The following KANSL3 variants were observed in gnomAD, a reference collection of about 807,000 sequenced individuals.
The protein encoded by KANSL3 is NSL complex protein NSL3.
A neutral mutation model predicts 89.2 loss-of-function variants in KANSL3; 16 were observed. The ratio of observed to expected loss-of-function variants is 0.18; its 90% CI spans 0.12 to 0.27. The LOEUF is 0.27. Ranked by LOEUF, KANSL3 falls within the 10% of genes least tolerant of loss-of-function variation. The pLI is 1.00. For synonymous variants in KANSL3, 385 were observed against 419.7 expected (o/e 0.92, Z 1.01); for missense variants, 879 against 1,110.6 (o/e 0.79, Z 2.96).
chr2:96,612,380 A>T, intron 8 of KANSL3, 27 bp from the exon 9 acceptor site: 1 of 1,609,272 alleles, frequency 6.2e-7, no homozygotes, highest in Non-Finnish European at 8.5e-7. Flanking sequence ...AGAAGACAGT[A>T]AGACAGGAGG....
chr2:96,598,261 A>T, intron 20 of KANSL3: 2 of 295,942 alleles, frequency 6.8e-6, no homozygotes, highest in Non-Finnish European at 1.0e-5. Flanking sequence ...GAGAGGGGAA[A>T]AGCACTTCCC....
intron 3 of KANSL3, chr2:96,628,196 G>A (rs936998473): frequency 1.6e-6 from 2 of 1,270,432 alleles, no homozygotes; most frequent in Non-Finnish European, 2.0e-6. Context: ...GAGGAAAGAT[G>A]TGTACATCCA....
Position 96,604,246 on chromosome 2 carries a change from A to G in KANSL3, c.2149+4T>C, listed in dbSNP as rs769760771. The G allele has an allele frequency of 1.9e-6, 3 of 1,599,902 alleles. No individual in the cohort carries two copies. Among genetic ancestry groups the G allele is most frequent in the South Asian group, 1.1e-5 (1 of 89,552 alleles). On this transcript the variant is annotated splice_donor_region_variant and intron_variant, in intron 17 of 20. Coordinates refer to ENST00000431828, the MANE Select transcript of KANSL3 (RefSeq NM_001115016.3). ...GAAGGGGAGAATGCTGGGCCACAAG[A>G]TACCTGGGAGGGAGCTGCCAGGAGA... is the stretch of plus-strand genomic sequence containing the variant.
intron 3 of KANSL3, among the ~76,000 whole-genome samples, chr2:96,622,025 A>T (rs1352644974): frequency 6.6e-6 from 1 of 152,110 alleles, no homozygotes; most frequent in African/African-American, 2.4e-5. Context: ...GAGGCAAAAG[A>T]ATTGCTTGAA....
the KANSL3 span, among the ~76,000 whole-genome samples, chr2:96,582,808 G>A: frequency 6.6e-6 from 1 of 152,286 alleles, no homozygotes; most frequent in East Asian, 1.9e-4. Context: ...ATGCTAATAG[G>A]CAGGTAAGTT....
At chr2:96,636,517 T>C (rs1486458409) in intron 2 of KANSL3, among the ~76,000 whole-genome samples, 2 of 152,230 alleles carry the variant, frequency 1.3e-5, no homozygotes, top group African/African-American at 4.8e-5. Flanking sequence ...TGCATTACTA[T>C]AAAAAGGCTA....
At chr2:96,636,320 A>ATCAC (rs2074239250) in intron 2 of KANSL3, among the ~76,000 whole-genome samples, 1 of 152,268 alleles carries the variant, frequency 6.6e-6, no homozygotes, top group African/African-American at 2.4e-5. Flanking sequence ...ATGTAACTGT[A>ATCAC]TCACTCATCA....
chr2:96,634,648 TTA>T (rs1315333957), intron 2 of KANSL3, among the ~76,000 whole-genome samples: 1 of 152,214 alleles, frequency 6.6e-6, no homozygotes, highest in African/African-American at 2.4e-5. Context: ...CTGCCAAACT[TTA>T]TGTTAACTTT....
downstream of KANSL3, among the ~76,000 whole-genome samples, chr2:96,588,597 C>CT (rs1235751861): frequency 6.0e-3 from 896 of 148,198 alleles, 6 homozygotes; most frequent in Middle Eastern, 0.01. Context: ...CTTTTCTTTT[C>CT]TTTTTTTTTT....
intron 20 of KANSL3, among the ~76,000 whole-genome samples, chr2:96,598,549 G>A (rs2066774015): frequency 6.6e-6 from 1 of 152,172 alleles, no homozygotes; most frequent in African/African-American, 2.4e-5. Flanking sequence ...AAAAGCCACT[G>A]CATCTAGAAT....
At position 96,602,614 on chromosome 2, in the gene KANSL3, G is replaced by C. The variant is rs148636494; in HGVS notation, c.2259+139C>G. On this transcript the variant is annotated intron_variant, in intron 18 of 20. Transcript: ENST00000431828. ...CAGTAAATGATAGACCTTAACTTTT[G>C]TAAGTTCCCTGCTATGTAGCTAGAA... 1.6e-5 allele frequency: 11 copies of C among 699,398 alleles called. No individual in the cohort carries two copies. The African/African-American group carries it at 1.8e-4, about 11-fold the overall frequency. The allele number at this position is 699,398 out of a possible 1,614,324, so 43.3% of individuals were successfully genotyped here.
At chr2:96,619,297 C>A in intron 5 of KANSL3, 62 bp downstream of exon 5, 1 of 1,489,608 alleles carries the variant, frequency 6.7e-7, no homozygotes, top group Non-Finnish European at 9.1e-7. Flanking sequence ...AACCCCACAT[C>A]CTGAACCCAC....
At chr2:96,600,712 C>T in intron 20 of KANSL3, 2 of 985,364 alleles carry the variant, frequency 2.0e-6, no homozygotes, top group Middle Eastern at 1.0e-3. Flanking sequence ...CCTCAGATTA[C>T]CATTTTAAGA....
At chr2:96,624,386 G>C (rs2071898450) in intron 3 of KANSL3, among the ~76,000 whole-genome samples, 1 of 152,126 alleles carries the variant, frequency 6.6e-6, no homozygotes, top group Non-Finnish European at 1.5e-5. Flanking sequence ...ACACCTCTTT[G>C]TTTTCAAAGG....
chr2:96,636,761 T>C (rs190912810), intron 2 of KANSL3, 160 bp downstream of exon 2: 106 of 582,612 alleles, frequency 1.8e-4, no homozygotes, highest in Admixed American at 1.0e-3. Flanking sequence ...GATAGCCACA[T>C]TCAAGCCTGC....
At chr2:96,600,793 T>C in intron 20 of KANSL3, 2 of 985,432 alleles carry the variant, frequency 2.0e-6, no homozygotes, top group Non-Finnish European at 2.4e-6. Flanking sequence ...CATGACTTCC[T>C]GGGTGAGACC....
chr2:96,601,459 G>A, intron 20 of KANSL3, 184 bp downstream of exon 20: 2 of 1,370,876 alleles, frequency 1.5e-6, no homozygotes, highest in Non-Finnish European at 1.9e-6. Context: ...TGTAGAAGAG[G>A]AAGCTCAAAG....
At position 96,595,514 on chromosome 2, in the gene KANSL3, G is replaced by A. The variant is rs1039000305; in HGVS notation, c.*97C>T. 27 of 1,353,922 alleles carry A rather than the reference G, an allele frequency of 2.0e-5. No individual in the cohort carries two copies. The highest frequency in any genetic ancestry group is 1.7e-4 in the East Asian group (7 of 42,372). 83.9% of individuals were successfully genotyped at this position (1,353,922 alleles called of 1,614,324 possible). A position where few individuals can be genotyped will look rare whatever the true frequency, so the allele number is the denominator to read the frequency against. Reference sequence around the variant, plus strand: ...AATGACTGTCTTAAACAGGTCTTCCGACACGTGGACAGCTCAGCAGGACCA... The same window carrying A: ...AATGACTGTCTTAAACAGGTCTTCCAACACGTGGACAGCTCAGCAGGACCA... On this transcript the variant is annotated 3_prime_UTR_variant, in exon 21 of 21. Coordinates refer to ENST00000431828, the MANE Select transcript of KANSL3 (RefSeq NM_001115016.3).
chr2:96,632,005 C>T (rs2073472862), intron 2 of KANSL3, among the ~76,000 whole-genome samples: 6 of 152,100 alleles, frequency 3.9e-5, no homozygotes, highest in Admixed American at 3.9e-4. Flanking sequence ...ATGATTGCAT[C>T]ACTGCACTCC....
Sources: gnomAD v4.1 joint callset for allele counts (sites outside exome capture counted in the v4.1 genomes callset) on GRCh38, gnomAD v4.1.1 for gene constraint, MANE v1.5 for transcripts, NCBI Gene and HGNC (gene_info 2026-07-23, HGNC 2026-07-21) for gene names.